Variants in AOPEP observed in about 807,000 individuals in gnomAD.
The protein encoded by AOPEP is aminopeptidase O.
AOPEP carries 77 observed loss-of-function variants against 98.1 expected under a neutral mutation model. That is an observed-to-expected ratio of 0.78 (90% confidence interval 0.65 to 0.95). The LOEUF (loss-of-function observed/expected upper bound fraction) is 0.95. Ranked by LOEUF, AOPEP falls within the 40% of genes least tolerant of loss-of-function variation. AOPEP has a pLI of 0.00. For synonymous variants in AOPEP, 346 were observed against 365.3 expected, an observed-to-expected ratio of 0.95 and a Z score of 0.60; for missense variants, 1,024 against 1,024.7, an observed-to-expected ratio of 1.00 and a Z score of 0.01.
chr9:94,802,395 A>G (rs1351186971), intron 5 of AOPEP, among the ~76,000 whole-genome samples: 1 of 152,142 alleles, frequency 6.6e-6, no homozygotes, highest in African/African-American at 2.4e-5. Flanking sequence ...AAGGCAGAGT[A>G]TTTTTCATGC....
At chr9:94,808,794 G>A (rs944004544) in intron 5 of AOPEP, among the ~76,000 whole-genome samples, 8 of 152,372 alleles carry the variant, frequency 5.3e-5, no homozygotes, top group Middle Eastern at 3.4e-3. Context: ...GCTCCTGTGA[G>A]CCTGGTCCTA....
chr9:94,819,416 C>A (rs1163440030), intron 5 of AOPEP, among the ~76,000 whole-genome samples: 4 of 152,166 alleles, frequency 2.6e-5, no homozygotes, highest in African/African-American at 9.7e-5. Context: ...CAACTCCTGC[C>A]CGCCACTCTT....
rs184252512 is a variant in AOPEP, at chr9:94,899,698, C to A, written c.1365-24288C>A. The stretch of plus-strand genomic sequence containing the variant: ...CCAGGATGTTGAAGCTGCAGTGAGC[C>A]ATGATCGCACCACTGCACTTCAGCC... On this transcript the variant is annotated intron_variant, in intron 5 of 16. Transcript: ENST00000375315. Among the ~76,000 whole-genome samples the A allele has an allele frequency of 3.4e-4, 51 of 151,808 alleles. No individual in the cohort carries two copies. The East Asian group carries it at 6.3e-3, about 19-fold the overall frequency.
chr9:94,955,049 T>A, intron 7 of AOPEP, 128 bp from the exon 8 acceptor site: 1 of 561,664 alleles, frequency 1.8e-6, no homozygotes, highest in Non-Finnish European at 3.1e-6. Flanking sequence ...TTCTAAATTA[T>A]ACCTGGTACT....
At chr9:95,096,180 C>CCAT in the AOPEP span, among the ~76,000 whole-genome samples, 2 of 152,140 alleles carry the variant, frequency 1.3e-5, no homozygotes, top group Admixed American at 6.5e-5. Context: ...ACTCCTGATA[C>CCAT]CATCTTTTCC....
intron 13 of AOPEP, among the ~76,000 whole-genome samples, chr9:95,050,536 T>G (rs2066251033): frequency 6.6e-6 from 1 of 152,202 alleles, no homozygotes; most frequent in Non-Finnish European, 1.5e-5. Context: ...GATAGGAGAT[T>G]GTACAGTACT....
intron 16 of AOPEP, chr9:95,085,156 G>C: frequency 4.6e-6 from 2 of 439,364 alleles, no homozygotes; most frequent in East Asian, 7.2e-5. Flanking sequence ...AGTGTCGCCG[G>C]CGTCCTTCCG....
chr9:95,138,707 T>C, the AOPEP span, among the ~76,000 whole-genome samples: 108,478 of 152,150 alleles, frequency 0.71, 39,691 homozygotes, highest in East Asian at 0.91. Context: ...TCATTCATCC[T>C]GCCAGGTGGT....
chr9:95,093,361 A>G, the AOPEP span, among the ~76,000 whole-genome samples: 2,694 of 152,300 alleles, frequency 0.018, 30 homozygotes, highest in Middle Eastern at 0.099. Flanking sequence ...ATGGTAGAAC[A>G]TAAGTCCTGT....
chr9:94,820,940 G>C (rs990403139), intron 5 of AOPEP, among the ~76,000 whole-genome samples: 2 of 152,190 alleles, frequency 1.3e-5, no homozygotes, highest in African/African-American at 4.8e-5. Context: ...AATAAACCAA[G>C]TGGAAGCCGT....
At chr9:94,812,018 C>T (rs1350500262) in intron 5 of AOPEP, among the ~76,000 whole-genome samples, 1 of 152,140 alleles carries the variant, frequency 6.6e-6, no homozygotes, top group East Asian at 1.9e-4. Context: ...AATTGATGGT[C>T]CCTTATCCAG....
the AOPEP span, among the ~76,000 whole-genome samples, chr9:95,146,319 T>C: frequency 6.6e-6 from 1 of 151,474 alleles, no homozygotes; most frequent in Non-Finnish European, 1.5e-5. Flanking sequence ...AAATGCCGTC[T>C]CTACCGAAAA....
chr9:95,126,481 T>C, the AOPEP span: 1 of 1,558,820 alleles, frequency 6.4e-7, no homozygotes, highest in Non-Finnish European at 8.8e-7. Flanking sequence ...TGCTTGGAAA[T>C]GGAACCTTTT....
rs79320514 is a variant in AOPEP at position 94,990,671 on chromosome 9, C to T, written c.1977+11244C>T. ...AGGTGGAGTTTCACTGTCGCCCAGG[C>T]TGGAGTGCACTGGCGTGATCTCGGC... On this transcript the variant is annotated intron_variant, in intron 11 of 16. Coordinates refer to ENST00000375315, the MANE Select transcript of AOPEP (RefSeq NM_001193329.3). Among the ~76,000 whole-genome samples, 8 of 152,026 alleles carry T rather than the reference C, an allele frequency of 5.3e-5. No individual in the cohort carries two copies. In the East Asian group the frequency reaches 1.2e-3, roughly 22 times the overall value.
chr9:94,855,941 A>G (rs562907392), intron 5 of AOPEP, among the ~76,000 whole-genome samples: 81 of 152,322 alleles, frequency 5.3e-4, no homozygotes, highest in African/African-American at 1.9e-3. Flanking sequence ...ATCAGATGTC[A>G]CCATTGAGGA....
chr9:94,900,744 G>T (rs1400190729), intron 5 of AOPEP: 6 of 152,204 alleles, frequency 3.9e-5, no homozygotes, highest in African/African-American at 1.4e-4. Flanking sequence ...CTTGAGGAGA[G>T]TGGGGCATGT....
intron 5 of AOPEP, among the ~76,000 whole-genome samples, chr9:94,875,356 A>AAAAAAAAAAAAAG (rs1564301931): frequency 4.8e-4 from 71 of 149,228 alleles, no homozygotes; most frequent in African/African-American, 1.5e-3. Flanking sequence ...AGAAAAAAAA[A>AAAAAAAAAAAAAG]AAAAAAAAAA....
intron 10 of AOPEP, among the ~76,000 whole-genome samples, chr9:94,971,729 A>G (rs1313578091): frequency 1.3e-5 from 2 of 152,196 alleles, no homozygotes; most frequent in Non-Finnish European, 1.5e-5. Flanking sequence ...AGCATCTCCC[A>G]TACCAGGCTT....
intron 1 of AOPEP, among the ~76,000 whole-genome samples, chr9:94,746,033 C>T (rs900620569): frequency 6.6e-6 from 1 of 152,136 alleles, no homozygotes; most frequent in African/African-American, 2.4e-5. Context: ...TGCTTGCGTT[C>T]GTTATTGCCT....
Sources: allele counts gnomAD v4.1 joint callset (sites outside exome capture counted in the v4.1 genomes callset), GRCh38; gene constraint gnomAD v4.1.1; transcripts MANE v1.5; gene names NCBI Gene and HGNC (gene_info 2026-07-23, HGNC 2026-07-21).